The following RBFOX1 variants were observed in gnomAD, a reference collection of about 807,000 sequenced individuals.
RBFOX1 encodes the protein RNA binding protein fox-1 homolog 1.
A neutral mutation model predicts 57.7 loss-of-function variants in RBFOX1; 8 were observed. That is an observed-to-expected ratio of 0.14 (90% confidence interval 0.08 to 0.25). RBFOX1 has a LOEUF of 0.25. RBFOX1 is among the 10% of genes least tolerant of loss of function. RBFOX1 has a pLI of 1.00. For synonymous variants in RBFOX1, 326 were observed against 222.4 expected (o/e 1.47, Z -4.15); for missense variants, 611 against 548.5 (o/e 1.11, Z -1.14).
chr16:5,450,915 G>A (rs2068405804), intron 1 of RBFOX1, among the ~76,000 whole-genome samples: 1 of 152,196 alleles, frequency 6.6e-6, no homozygotes, highest in African/African-American at 2.4e-5. Flanking sequence ...ACCTGGGCAA[G>A]CTCAAGGGTA....
At chr16:6,195,357 G>A (rs2152818615) in intron 1 of RBFOX1, among the ~76,000 whole-genome samples, 1 of 152,216 alleles carries the variant, frequency 6.6e-6, no homozygotes. Flanking sequence ...AAGTCAATCA[G>A]GAGTTTATGT....
chr16:6,970,178 GA>G lies in RBFOX1; in HGVS notation c.-15-81872del, dbSNP rs368826328. 6.0e-4 allele frequency among the ~76,000 whole-genome samples: 89 copies of G among 149,094 alleles called. No individual in the cohort carries two copies. The East Asian group carries it at 8.7e-3, about 14-fold the overall frequency. On this transcript the variant is annotated intron_variant, in intron 3 of 15. Transcript: ENST00000550418. ...GGGCAACAGAACAAGACTCTGGGGG[GA>G]AAAAAATAAAAAAGAAAGAAACAAA...
rs144511309 is a variant in RBFOX1 at position 7,065,135 on chromosome 16, C to T, written c.27+13037C>T. Among the ~76,000 whole-genome samples the T allele has an allele frequency of 2.7e-3, 415 of 152,278 alleles. 5 individuals carry two copies. The East Asian group carries it at 0.041, about 15-fold the overall frequency. Reference sequence around the variant, plus strand: ...CTGTGAGACCAATTCTGTATGGAGACGCATTTGTAACCTTACCTAAATGAG... The same window carrying T: ...CTGTGAGACCAATTCTGTATGGAGATGCATTTGTAACCTTACCTAAATGAG... On this transcript the variant is annotated intron_variant, in intron 4 of 15. Coordinates refer to ENST00000550418, the MANE Select transcript of RBFOX1 (RefSeq NM_018723.4).
Position 7,712,595 on chromosome 16 carries a change from TAA to T in RBFOX1, c.*1852_*1853del, listed in dbSNP as rs1187976795. The T allele has an allele frequency of 6.6e-6, 1 of 152,432 alleles. No individual in the cohort carries two copies. Among genetic ancestry groups the T allele is most frequent in the African/African-American group, 2.4e-5 (1 of 41,392 alleles). 9.4% of individuals were successfully genotyped at this position (152,432 alleles called of 1,614,324 possible). A position where few individuals can be genotyped will look rare whatever the true frequency, so the allele number is the denominator to read the frequency against. The stretch of plus-strand genomic sequence containing the variant: ...GAGCTACTTATCAGCCAAAAGCATA[TAA>T]AGTGTTCTTTTCACCAGACTTCTTT... On this transcript the variant is annotated 3_prime_UTR_variant, in exon 16 of 16. Coordinates refer to ENST00000550418, the MANE Select transcript of RBFOX1 (RefSeq NM_018723.4).
In RBFOX1 at chr16:6,569,661, G is replaced by A. The variant is rs147235121; in HGVS notation, c.-63-84942G>A. Among the ~76,000 whole-genome samples, 504 of 152,296 alleles carry A rather than the reference G, an allele frequency of 3.3e-3. 2 individuals carry two copies. The highest frequency in any genetic ancestry group is 0.01 in the Middle Eastern group (3 of 294). On this transcript the variant is annotated intron_variant, in intron 2 of 15. Transcript: ENST00000550418. ...CTGTCAACCTTTCTGTCCATGGGTG[G>A]TTTTCTGTGGGAACCCATCCTGTGA...
intron 3 of RBFOX1, among the ~76,000 whole-genome samples, chr16:6,773,395 T>G (rs868370002): frequency 6.4e-5 from 9 of 140,762 alleles, no homozygotes; most frequent in Admixed American, 4.3e-4. Flanking sequence ...TGGGGTATAT[T>G]TGTGTGTATC....
At position 7,713,022 on chromosome 16, in the gene RBFOX1, TC is replaced by T. The variant is rs2084223990; in HGVS notation, c.*2278del. ...CCAACCGATGTTGCAGAATCTTTTG[TC>T]TAGGCACTCCAAGATGCCAATAAGT... On this transcript the variant is annotated 3_prime_UTR_variant, in exon 16 of 16. Transcript: ENST00000550418. 1 of 152,232 alleles carries T rather than the reference TC, an allele frequency of 6.6e-6. No individual in the cohort carries two copies. The highest frequency in any genetic ancestry group is 1.5e-5 in the Non-Finnish European group (1 of 68,040). The allele number at this position is 152,232 out of a possible 1,614,324, so 9.4% of individuals were successfully genotyped here. A position where few individuals can be genotyped will look rare whatever the true frequency, so the allele number is the denominator to read the frequency against.
At chr16:6,804,995 A>G (rs1458622728) in intron 3 of RBFOX1, among the ~76,000 whole-genome samples, 1 of 152,230 alleles carries the variant, frequency 6.6e-6, no homozygotes, top group Non-Finnish European at 1.5e-5. Flanking sequence ...AATTCATCAA[A>G]GATCTGAAAA....
intron 2 of RBFOX1, among the ~76,000 whole-genome samples, chr16:6,629,173 A>G (rs1027032113): frequency 7.2e-5 from 11 of 152,262 alleles, no homozygotes; most frequent in Non-Finnish European, 1.3e-4. Context: ...ATAATGCAGT[A>G]TGCAGATGTA....
At chr16:5,380,959 C>T (rs1415367135) in intron 1 of RBFOX1, among the ~76,000 whole-genome samples, 1 of 152,224 alleles carries the variant, frequency 6.6e-6, no homozygotes, top group East Asian at 1.9e-4. Context: ...CTGCCCATCA[C>T]TTGAGGTTTG....
At chr16:6,869,721 C>G (rs1290560330) in intron 3 of RBFOX1, among the ~76,000 whole-genome samples, 1 of 152,154 alleles carries the variant, frequency 6.6e-6, no homozygotes, top group Non-Finnish European at 1.5e-5. Context: ...CCATGTGACT[C>G]TAGAGAACCG....
intron 2 of RBFOX1, among the ~76,000 whole-genome samples, chr16:6,342,877 G>A (rs2084782348): frequency 6.6e-6 from 1 of 152,066 alleles, no homozygotes; most frequent in African/African-American, 2.4e-5. Flanking sequence ...CTACATTGAT[G>A]GGGACACTTG....
intron 1 of RBFOX1, among the ~76,000 whole-genome samples, chr16:5,357,212 T>C (rs535855194): frequency 1.7e-4 from 26 of 152,226 alleles, no homozygotes; most frequent in African/African-American, 4.8e-4. Flanking sequence ...AGCAGTGGGG[T>C]TGCCACAGCC....
chr16:5,969,457 A>T (rs1293052928), intron 4 of RBFOX1, among the ~76,000 whole-genome samples: 3 of 149,172 alleles, frequency 2.0e-5, no homozygotes, highest in Non-Finnish European at 4.4e-5. Context: ...GATTACAGGC[A>T]CATGCCATCA....
intron 3 of RBFOX1, among the ~76,000 whole-genome samples, chr16:6,820,241 C>A (rs902192233): frequency 6.6e-6 from 1 of 152,168 alleles, no homozygotes; most frequent in Admixed American, 6.5e-5. Flanking sequence ...GTCGATTAAA[C>A]CTTTTCTTCT....
chr16:6,212,396 T>G (rs2097304254), intron 1 of RBFOX1, among the ~76,000 whole-genome samples: 2 of 151,310 alleles, frequency 1.3e-5, no homozygotes, highest in South Asian at 2.1e-4. Context: ...TATATGTGTA[T>G]GTATGCATTT....
intron 1 of RBFOX1, among the ~76,000 whole-genome samples, chr16:6,043,398 G>C (rs940384061): frequency 1.3e-5 from 2 of 152,130 alleles, no homozygotes; most frequent in Non-Finnish European, 1.5e-5. Context: ...AACATTTTGG[G>C]ATACAATATT....
At chr16:5,897,067 C>A (rs1262908113) in intron 4 of RBFOX1, among the ~76,000 whole-genome samples, 2 of 119,480 alleles carry the variant, frequency 1.7e-5, no homozygotes, top group Non-Finnish European at 1.7e-5. Flanking sequence ...CTCGCTCTGT[C>A]GCCCAGGCCG....
At chr16:6,812,547 T>C (rs1245178736) in intron 3 of RBFOX1, among the ~76,000 whole-genome samples, 1 of 152,008 alleles carries the variant, frequency 6.6e-6, no homozygotes, top group African/African-American at 2.4e-5. Flanking sequence ...CTAATTTTTT[T>C]TGTATTTTTA....
Sources: allele counts gnomAD v4.1 joint callset (sites outside exome capture counted in the v4.1 genomes callset), GRCh38; gene constraint gnomAD v4.1.1; transcripts MANE v1.5; gene names NCBI Gene and HGNC (gene_info 2026-07-23, HGNC 2026-07-21).